Variants in CHRM3 observed in about 807,000 individuals in gnomAD.
CHRM3 encodes the protein cholinergic receptor muscarinic 3.
A neutral mutation model predicts 41.8 loss-of-function variants in CHRM3; 11 were observed. The observed-to-expected ratio is 0.26, with a 90% CI of 0.17 to 0.44. CHRM3 has a LOEUF of 0.44. CHRM3 is among the 20% of genes least tolerant of loss of function. CHRM3 has a pLI of 1.00. For missense variants in CHRM3, 571 were observed against 745.4 expected (o/e 0.77, Z 2.72); for synonymous variants, 297 against 301.4 (o/e 0.99, Z 0.15).
intron 6 of CHRM3, among the ~76,000 whole-genome samples, chr1:239,869,627 T>C (rs1227405651): frequency 6.6e-6 from 1 of 152,096 alleles, no homozygotes; most frequent in Admixed American, 6.6e-5. Flanking sequence ...CCCTCAGCCA[T>C]GGATCCCCAA....
intron 2 of CHRM3, among the ~76,000 whole-genome samples, chr1:239,520,578 G>A (rs1230824743): frequency 1.3e-5 from 2 of 152,142 alleles, no homozygotes; most frequent in African/African-American, 4.8e-5. Context: ...TATGCTTCTT[G>A]TACATCCTGC....
intron 1 of CHRM3, among the ~76,000 whole-genome samples, chr1:239,429,381 C>G (rs1286751412): frequency 6.6e-6 from 1 of 152,080 alleles, no homozygotes; most frequent in Non-Finnish European, 1.5e-5. Context: ...TGAATTGAAT[C>G]TAGCAAGTAA....
chr1:239,631,541 C>A (rs1669835740), intron 3 of CHRM3, among the ~76,000 whole-genome samples: 1 of 152,224 alleles, frequency 6.6e-6, no homozygotes, highest in Non-Finnish European at 1.5e-5. Context: ...CAGCCACATC[C>A]TTCACAATGC....
At chr1:239,731,835 G>T (rs1312991975) in intron 5 of CHRM3, among the ~76,000 whole-genome samples, 1 of 151,924 alleles carries the variant, frequency 6.6e-6, no homozygotes, top group African/African-American at 2.4e-5. Context: ...CCAGGGTTTG[G>T]CAGAGAAATG....
intron 3 of CHRM3, among the ~76,000 whole-genome samples, chr1:239,579,667 T>A (rs954650170): frequency 2.0e-5 from 3 of 152,158 alleles, no homozygotes; most frequent in African/African-American, 7.2e-5. Flanking sequence ...TTTTTTGCCT[T>A]CAATAATTGT....
Position 239,606,893 on chromosome 1 carries a change from C to A in CHRM3, c.-312-25331C>A, listed in dbSNP as rs185989457. 3.9e-5 allele frequency among the ~76,000 whole-genome samples: 6 copies of A among 152,294 alleles called. No individual in the cohort carries two copies. In the East Asian group the frequency reaches 1.2e-3, roughly 29 times the overall value. On this transcript the variant is annotated intron_variant, in intron 3 of 6. Coordinates refer to ENST00000676153, the MANE Select transcript of CHRM3 (RefSeq NM_001375978.1). ...CATCCAAAAACGTTATCACCACATA[C>A]AAACCAGGCAGCACCCAAGACTTAA...
chr1:239,562,151 A>G (rs1187493305), intron 3 of CHRM3, among the ~76,000 whole-genome samples: 1 of 152,178 alleles, frequency 6.6e-6, no homozygotes, highest in Non-Finnish European at 1.5e-5. Flanking sequence ...CTCGACAGCA[A>G]CCACAATCAT....
At chr1:239,445,988 A>G (rs574588016) in intron 1 of CHRM3, among the ~76,000 whole-genome samples, 11 of 151,854 alleles carry the variant, frequency 7.2e-5, no homozygotes, top group Non-Finnish European at 1.2e-4. Flanking sequence ...CCCAGGCTGC[A>G]GTGCAGTCAC....
chr1:239,647,687 T>C (rs1671860025), intron 4 of CHRM3, among the ~76,000 whole-genome samples: 1 of 152,164 alleles, frequency 6.6e-6, no homozygotes, highest in African/African-American at 2.4e-5. Context: ...TTTCATCCTA[T>C]ACTTCCAAAA....
chr1:239,880,138 G>C (rs1019476438), intron 6 of CHRM3, among the ~76,000 whole-genome samples: 1 of 152,218 alleles, frequency 6.6e-6, no homozygotes, highest in Non-Finnish European at 1.5e-5. Context: ...AAGGCAATCC[G>C]AGGCATAGAG....
chr1:239,733,787 GAAGT>G (rs1432646879), intron 5 of CHRM3, among the ~76,000 whole-genome samples: 1 of 151,984 alleles, frequency 6.6e-6, no homozygotes, highest in Non-Finnish European at 1.5e-5. Flanking sequence ...AAAAGAAAAG[GAAGT>G]AACCACTTAT....
rs1668747447 is a variant in CHRM3 at position 239,508,898 on chromosome 1, A to C, written c.-422+16091A>C. On this transcript the variant is annotated intron_variant, in intron 2 of 6. Coordinates refer to ENST00000676153, the MANE Select transcript of CHRM3 (RefSeq NM_001375978.1). ...GTATTGTGAGATGATAACTTGGAAA[A>C]AAATAAAATAACTTTGCACAAATTG... Among the ~76,000 whole-genome samples, 4 of 152,310 alleles carry C rather than the reference A, an allele frequency of 2.6e-5. No individual in the cohort carries two copies. In the South Asian group the frequency reaches 8.3e-4, roughly 32 times the overall value.
chr1:239,512,901 T>A (rs1344269206), intron 2 of CHRM3, among the ~76,000 whole-genome samples: 1 of 152,076 alleles, frequency 6.6e-6, no homozygotes, highest in Non-Finnish European at 1.5e-5. Context: ...GCCTGCTTGG[T>A]CATAAGCTCT....
At chr1:239,720,910 G>T (rs1322923245) in intron 5 of CHRM3, among the ~76,000 whole-genome samples, 1 of 151,856 alleles carries the variant, frequency 6.6e-6, no homozygotes, top group Non-Finnish European at 1.5e-5. Flanking sequence ...ATATTTTGTT[G>T]AGAGGCAAGA....
chr1:239,881,127 C>T (rs553852287), intron 6 of CHRM3, among the ~76,000 whole-genome samples: 1 of 151,430 alleles, frequency 6.6e-6, no homozygotes, highest in East Asian at 2.0e-4. Context: ...ACAAAAAATA[C>T]AAAAAATTAG....
At chr1:239,540,427 A>G (rs1354177544) in intron 2 of CHRM3, among the ~76,000 whole-genome samples, 2 of 152,300 alleles carry the variant, frequency 1.3e-5, no homozygotes, top group East Asian at 3.9e-4. Flanking sequence ...TCCATTCCCA[A>G]TAGTAAAATA....
At chr1:239,847,624 G>A (rs1674374385) in intron 6 of CHRM3, among the ~76,000 whole-genome samples, 1 of 152,246 alleles carries the variant, frequency 6.6e-6, no homozygotes, top group Non-Finnish European at 1.5e-5. Context: ...ACTTTGGGAC[G>A]CCAAAGTGGG....
At chr1:239,561,526 T>C (rs1193337427) in intron 3 of CHRM3, among the ~76,000 whole-genome samples, 1 of 152,124 alleles carries the variant, frequency 6.6e-6, no homozygotes, top group Non-Finnish European at 1.5e-5. Flanking sequence ...GACTATGAAA[T>C]GAGCACCCTC....
intron 5 of CHRM3, among the ~76,000 whole-genome samples, chr1:239,733,776 A>G (rs1664174938): frequency 6.6e-6 from 1 of 152,106 alleles, no homozygotes; most frequent in Non-Finnish European, 1.5e-5. Context: ...TGGGGAAAAG[A>G]AAAAGAAAAG....
Sources: allele counts gnomAD v4.1 joint callset (sites outside exome capture counted in the v4.1 genomes callset), GRCh38; gene constraint gnomAD v4.1.1; transcripts MANE v1.5; gene names NCBI Gene and HGNC (gene_info 2026-07-23, HGNC 2026-07-21).